TP73: variants seen among roughly 807,000 people sequenced by gnomAD.
The protein encoded by TP73 is tumor protein p73.
TP73 carries 25 observed loss-of-function variants against 62.5 expected under a neutral mutation model. That is an observed-to-expected ratio of 0.40 (90% CI 0.29 to 0.56). The LOEUF (loss-of-function observed/expected upper bound fraction) is 0.56, where lower values mean the gene tolerates loss of function less well. Among genes scored for constraint, TP73 ranks in the 20% least tolerant of loss-of-function variants. The probability of loss-of-function intolerance (pLI) is 0.46; values close to 1 mark genes in which losing one functional copy is unlikely to be tolerated. For missense variants in TP73, 754 were observed against 913.3 expected (o/e 0.83, Z 2.25); for synonymous variants, 423 against 377.5 (o/e 1.12, Z -1.40).
chr1:3,695,791 A>G (rs554679185), intron 3 of TP73, among the ~76,000 whole-genome samples: 1 of 152,360 alleles, frequency 6.6e-6, no homozygotes, highest in African/African-American at 2.4e-5. Context: ...TGCTGGGGAT[A>G]GACCACAGGG....
rs1014501633 is a variant in TP73 at position 3,662,918 on chromosome 1, C to T, written c.-34+10277C>T. ...AGCTCCGAGCGCTCTCAGAGAAAAA[C>T]GAAATTCTCTTTTATAAGAGAAACT... On this transcript the variant is annotated intron_variant, in intron 1 of 13. Coordinates refer to ENST00000378295, the MANE Select transcript of TP73 (RefSeq NM_005427.4). The surrounding 1 kb of genome is among the most constrained non-coding windows in gnomAD (Gnocchi z 4.4). Among the ~76,000 whole-genome samples the T allele has an allele frequency of 6.6e-6, 1 of 152,232 alleles. No individual in the cohort carries two copies. Among genetic ancestry groups the T allele is most frequent in the Non-Finnish European group, 1.5e-5 (1 of 68,048 alleles).
At chr1:3,721,210 T>C (rs375742797) in intron 4 of TP73, among the ~76,000 whole-genome samples, 3 of 152,352 alleles carry the variant, frequency 2.0e-5, no homozygotes, top group South Asian at 2.1e-4. Context: ...AGCCGGGCCC[T>C]GTGAGGCAAA....
intron 3 of TP73, chr1:3,690,569 C>T: frequency 8.8e-7 from 1 of 1,135,526 alleles, no homozygotes; most frequent in Non-Finnish European, 1.1e-6. Flanking sequence ...CCCACGCAGC[C>T]TCCTTGGTGC....
intron 1 of TP73, among the ~76,000 whole-genome samples, chr1:3,675,431 C>G (rs1645340809): frequency 6.6e-6 from 1 of 152,200 alleles, no homozygotes; most frequent in Non-Finnish European, 1.5e-5. Context: ...CCACCGGAAT[C>G]AGAAGTGCAT....
intron 1 of TP73, among the ~76,000 whole-genome samples, chr1:3,654,726 G>A (rs1387316422): frequency 6.6e-6 from 1 of 152,240 alleles, no homozygotes; most frequent in Admixed American, 6.5e-5. Flanking sequence ...TATCTGGTAG[G>A]TATCTCCAGG....
At chr1:3,667,837 C>G (rs1645155878) in intron 1 of TP73, among the ~76,000 whole-genome samples, 1 of 152,150 alleles carries the variant, frequency 6.6e-6, no homozygotes, top group Admixed American at 6.5e-5. Context: ...CTGGACCACC[C>G]AGCTTAAAAT....
intron 4 of TP73, among the ~76,000 whole-genome samples, chr1:3,710,610 C>T (rs1320120781): frequency 1.3e-5 from 2 of 152,250 alleles, no homozygotes; most frequent in East Asian, 1.9e-4. Flanking sequence ...CCTCCTTTCT[C>T]CCCGATCAGG....
At chr1:3,655,129 G>A (rs991846434) in intron 1 of TP73, among the ~76,000 whole-genome samples, 22 of 152,244 alleles carry the variant, frequency 1.4e-4, no homozygotes, top group African/African-American at 4.8e-4. Context: ...GCCCACGCCT[G>A]TAATCTCAGC....
At chr1:3,726,528 GATA>G (rs1641629438) in intron 6 of TP73, among the ~76,000 whole-genome samples, 1 of 149,338 alleles carries the variant, frequency 6.7e-6, no homozygotes, top group Non-Finnish European at 1.5e-5. Flanking sequence ...TGGATGGATG[GATA>G]TTGAATGGAT....
chr1:3,728,244 C>A, intron 9 of TP73, 27 bp downstream of exon 9: 2 of 1,603,238 alleles, frequency 1.2e-6, no homozygotes, highest in South Asian at 1.1e-5. Flanking sequence ...GCACGGCAGC[C>A]GGGAGACCTG....
At position 3,728,189 on chromosome 1, in the gene TP73, A is replaced by T; in HGVS notation, c.1046A>T (p.His349Leu). ...GGTGCCGGTGTGAAGAAGCGGCGGC[A>T]TGGAGACGAGGACACGTACTACCTT... Reference protein sequence around the residue: ...ALGAGVKKRRHGDEDTYYLQV... With the variant: ...ALGAGVKKRRLGDEDTYYLQV... Residue 349 changes from histidine to leucine, a missense_variant, in exon 9 of 14, where the codon CAT becomes CTT. His to Leu is a moderately conservative substitution (Grantham distance 99). Coordinates refer to ENST00000378295, the MANE Select transcript of TP73 (RefSeq NM_005427.4). The T allele has an allele frequency of 6.2e-7, 1 of 1,612,058 alleles. No individual in the cohort carries two copies. The highest frequency in any genetic ancestry group is 8.5e-7 in the Non-Finnish European group (1 of 1,179,952).
At chr1:3,732,662 G>A in intron 13 of TP73, 85 bp from the exon 14 acceptor site, 1 of 1,257,100 alleles carries the variant, frequency 8.0e-7, no homozygotes, top group East Asian at 2.5e-5. Context: ...AGGGTGTGGT[G>A]TGGCCAGACC....
At chr1:3,723,653 C>T (rs1641281514) in intron 6 of TP73, among the ~76,000 whole-genome samples, 184 bp downstream of exon 6, 1 of 152,212 alleles carries the variant, frequency 6.6e-6, no homozygotes, top group Non-Finnish European at 1.5e-5. Flanking sequence ...CTCACCCACA[C>T]CCGCCCCACT....
chr1:3,696,101 G>A lies in TP73; in HGVS notation c.187-11448G>A, dbSNP rs1046771356. On this transcript the variant is annotated intron_variant, in intron 3 of 13. Coordinates refer to ENST00000378295, the MANE Select transcript of TP73 (RefSeq NM_005427.4). This position sits in a 1 kb window ranked among gnomAD's most constrained non-coding sequence, Gnocchi z 4.1. Reference sequence around the variant, plus strand: ...GGACGACGAGCGAGCAGTTCCCAAAGCCCCATGAGGGAGGGGTTTCCAGTG... The same window carrying A: ...GGACGACGAGCGAGCAGTTCCCAAAACCCCATGAGGGAGGGGTTTCCAGTG... Among the ~76,000 whole-genome samples the A allele has an allele frequency of 6.6e-6, 1 of 152,216 alleles. No homozygotes were observed. The highest frequency in any genetic ancestry group is 2.4e-5 in the African/African-American group (1 of 41,456).
intron 4 of TP73, among the ~76,000 whole-genome samples, chr1:3,711,643 T>C (rs961237858): frequency 6.6e-6 from 1 of 152,164 alleles, no homozygotes; most frequent in Non-Finnish European, 1.5e-5. Flanking sequence ...CAGCACAGCA[T>C]CTGTGGGCAC....
chr1:3,719,571 A>G (rs976406684), intron 4 of TP73, among the ~76,000 whole-genome samples: 1 of 152,246 alleles, frequency 6.6e-6, no homozygotes, highest in Admixed American at 6.5e-5. Flanking sequence ...GTTTGGGCCA[A>G]GAGCCCTCCC....
chr1:3,708,140 G>A (rs1400986514), intron 4 of TP73: 1 of 341,424 alleles, frequency 2.9e-6, no homozygotes, highest in Non-Finnish European at 5.5e-6. Flanking sequence ...AGAGGCACGG[G>A]CTCTGCTGCC....
In TP73 at chr1:3,663,552, A is replaced by G. The variant is rs1339771270; in HGVS notation, c.-34+10911A>G. Reference sequence around the variant, plus strand: ...CACACGGTGAAACCCCATCTCTACTAAAAAATACAAAAAATTAGCCAGGCG... The same window carrying G: ...CACACGGTGAAACCCCATCTCTACTGAAAAATACAAAAAATTAGCCAGGCG... On this transcript the variant is annotated intron_variant, in intron 1 of 13. Transcript: ENST00000378295. The surrounding 1 kb of genome is among the most constrained non-coding windows in gnomAD (Gnocchi z 4.7). 3.3e-5 allele frequency among the ~76,000 whole-genome samples: 5 copies of G among 151,928 alleles called. No individual in the cohort carries two copies. Among genetic ancestry groups the G allele is most frequent in the South Asian group, 4.2e-4 (2 of 4,796 alleles).
rs1342453808 is a variant in TP73 at position 3,733,813 on chromosome 1, C to T, written c.*734C>T. 6.6e-6 allele frequency: 1 copy of T among 152,152 alleles called. No homozygotes were observed. Among genetic ancestry groups the T allele is most frequent in the African/African-American group, 2.4e-5 (1 of 41,420 alleles). The allele number at this position is 152,152 out of a possible 1,614,324, so 9.4% of individuals were successfully genotyped here. A position where few individuals can be genotyped will look rare whatever the true frequency, so the allele number is the denominator to read the frequency against. On this transcript the variant is annotated 3_prime_UTR_variant, in exon 14 of 14. Transcript: ENST00000378295. ...CAGTGCCCCTCAGCCTGGCCACAGT[C>T]GCCTCTCCTCGGGGACCCCTCAGCA...
Sources: gnomAD v4.1 joint callset for allele counts (sites outside exome capture counted in the v4.1 genomes callset) on GRCh38, gnomAD v4.1.1 for gene constraint, Gnocchi (gnomAD v3.1) non-coding constraint, MANE v1.5 for transcripts, NCBI Gene and HGNC (gene_info 2026-07-23, HGNC 2026-07-21) for gene names.